DENND2A: variants seen among roughly 807,000 people sequenced by gnomAD.
DENND2A encodes DENN domain-containing protein 2A.
In DENND2A, 53 loss-of-function variants were observed where a neutral mutation model predicts 105.3. The observed-to-expected ratio is 0.50, with a 90% confidence interval of 0.40 to 0.63. DENND2A has a LOEUF of 0.63. Ranked by LOEUF, DENND2A falls within the 30% of genes least tolerant of loss-of-function variation. The pLI is 0.00. For synonymous variants in DENND2A, 522 were observed against 508.4 expected (o/e 1.03, Z -0.36); for missense variants, 1,138 against 1,279.6 (o/e 0.89, Z 1.69).
intron 5 of DENND2A, among the ~76,000 whole-genome samples, chr7:140,577,103 C>T (rs907684341): frequency 7.2e-5 from 11 of 152,056 alleles, no homozygotes; most frequent in Non-Finnish European, 1.5e-4. Context: ...TCCAGGGCAC[C>T]CCAAATAAGC....
chr7:140,546,756 G>C, intron 13 of DENND2A, 43 bp downstream of exon 13: 1 of 1,608,704 alleles, frequency 6.2e-7, no homozygotes, highest in Non-Finnish European at 8.5e-7. Flanking sequence ...GGCTGTCTGG[G>C]CCACTGCCTC....
At chr7:140,624,876 T>G (rs1303550114) in intron 1 of DENND2A, among the ~76,000 whole-genome samples, 7 of 148,968 alleles carry the variant, frequency 4.7e-5, no homozygotes, top group Non-Finnish European at 8.9e-5. Flanking sequence ...TTGTTTTTTT[T>G]TTTTTGCTTT....
chr7:140,603,788 G>A (rs1563172976), intron 2 of DENND2A, among the ~76,000 whole-genome samples: 3 of 152,204 alleles, frequency 2.0e-5, no homozygotes, highest in Non-Finnish European at 4.4e-5. Flanking sequence ...TCAAGCTTCA[G>A]TTCCTCAGTT....
At chr7:140,605,681 C>T (rs991966199) in intron 2 of DENND2A, 24 bp downstream of exon 2, 4 of 152,214 alleles carry the variant, frequency 2.6e-5, no homozygotes, top group Non-Finnish European at 5.9e-5. Flanking sequence ...AGCGTCTACA[C>T]TCTCGGGGGA....
intron 4 of DENND2A, among the ~76,000 whole-genome samples, chr7:140,587,347 C>T (rs1022257196): frequency 6.6e-6 from 1 of 152,118 alleles, no homozygotes; most frequent in African/African-American, 2.4e-5. Flanking sequence ...GCAGCAGAAC[C>T]AAGATGTGGT....
At chr7:140,613,114 C>T (rs1284156625) in intron 1 of DENND2A, among the ~76,000 whole-genome samples, 2 of 149,092 alleles carry the variant, frequency 1.3e-5, no homozygotes, top group Non-Finnish European at 3.0e-5. Flanking sequence ...AACTCTGTCT[C>T]AAGAAAAAAA....
At chr7:140,597,487 T>G (rs1217514126) in intron 3 of DENND2A, among the ~76,000 whole-genome samples, 3 of 152,188 alleles carry the variant, frequency 2.0e-5, no homozygotes, top group Non-Finnish European at 4.4e-5. Flanking sequence ...TCCATTGTAC[T>G]ATTTTAAACA....
chr7:140,571,325 A>AT (rs1425994943), intron 6 of DENND2A, among the ~76,000 whole-genome samples: 3 of 151,796 alleles, frequency 2.0e-5, no homozygotes, highest in Non-Finnish European at 2.9e-5. Flanking sequence ...TGCCCAGCTA[A>AT]TTTTTTTGTA....
chr7:140,620,750 G>A (rs146375564), intron 1 of DENND2A, among the ~76,000 whole-genome samples: 1 of 152,252 alleles, frequency 6.6e-6, no homozygotes, highest in African/African-American at 2.4e-5. Context: ...CTGAAGGGAA[G>A]GCTAAGTGAT....
intron 14 of DENND2A, among the ~76,000 whole-genome samples, chr7:140,542,658 G>A (rs1289942263): frequency 3.4e-5 from 5 of 148,674 alleles, no homozygotes; most frequent in South Asian, 2.1e-4. Flanking sequence ...TCCGCCTCCC[G>A]GGTTCAAACG....
intron 13 of DENND2A, among the ~76,000 whole-genome samples, chr7:140,545,852 C>T (rs1246786037): frequency 2.6e-5 from 4 of 152,186 alleles, no homozygotes; most frequent in Non-Finnish European, 4.4e-5. Context: ...TCTCCAGTAA[C>T]CTCCCTGCTA....
chr7:140,601,008 T>C (rs1799463847), intron 3 of DENND2A, among the ~76,000 whole-genome samples: 1 of 152,168 alleles, frequency 6.6e-6, no homozygotes, highest in African/African-American at 2.4e-5. Flanking sequence ...TAGACACTGA[T>C]AGGGCCAGTG....
At chr7:140,530,552 A>G (rs114845959) in intron 14 of DENND2A, among the ~76,000 whole-genome samples, 1 of 152,080 alleles carries the variant, frequency 6.6e-6, no homozygotes, top group African/African-American at 2.4e-5. Flanking sequence ...GAAAAACGCT[A>G]CCCCAAGATT....
chr7:140,551,129 C>T (rs1021254046), intron 12 of DENND2A, among the ~76,000 whole-genome samples: 10 of 150,942 alleles, frequency 6.6e-5, no homozygotes, highest in Admixed American at 4.6e-4. Context: ...GGTGAAATCC[C>T]GTCTCTACTA....
At chr7:140,585,192 C>T (rs995615144) in intron 5 of DENND2A, among the ~76,000 whole-genome samples, 11 of 152,158 alleles carry the variant, frequency 7.2e-5, no homozygotes, top group African/African-American at 2.7e-4. Context: ...AGCGACAACA[C>T]CCTGACTCAA....
At chr7:140,564,212 G>C (rs1460225921) in intron 9 of DENND2A, among the ~76,000 whole-genome samples, 4 of 151,852 alleles carry the variant, frequency 2.6e-5, no homozygotes, top group African/African-American at 9.7e-5. Context: ...GTACCCGGGA[G>C]GTGGAGGCTT....
At position 140,558,134 on chromosome 7, in the gene DENND2A, T is replaced by C. The variant is rs562519168; in HGVS notation, c.1959+9A>G. ...AGGCTCTTGCAGGCTGAAAGCAGAA[T>C]GTACTCACCAGCAGTCTTCGGCAGT... is the stretch of plus-strand genomic sequence containing the variant. On this transcript the variant is annotated intron_variant, in intron 11 of 19. Transcript: ENST00000496613. 37 of 1,612,564 alleles carry C rather than the reference T, an allele frequency of 2.3e-5. No homozygotes were observed. The highest frequency in any genetic ancestry group is 3.0e-5 in the Non-Finnish European group (35 of 1,178,734).
chr7:140,538,968 C>G (rs1468176159), intron 14 of DENND2A, among the ~76,000 whole-genome samples: 1 of 151,648 alleles, frequency 6.6e-6, no homozygotes, highest in African/African-American at 2.4e-5. Context: ...GGATTATAGG[C>G]GTGTGCCACC....
In DENND2A at chr7:140,559,868, A is replaced by C. The variant is rs2130572179; in HGVS notation, c.1780-51T>G. ...TTCGAGAACAAATCTCAGCATGGGA[A>C]ATTGAGGCGGATGATGGTAAGGATG... On this transcript the variant is annotated intron_variant, in intron 9 of 19. Coordinates refer to ENST00000496613, the MANE Select transcript of DENND2A (RefSeq NM_015689.5). The surrounding 1 kb of genome is among the most constrained non-coding windows in gnomAD (Gnocchi z 4.1). The C allele has an allele frequency of 7.2e-7, 1 of 1,381,042 alleles. No individual in the cohort carries two copies. The highest frequency in any genetic ancestry group is 2.3e-5 in the East Asian group (1 of 43,576). The allele number at this position is 1,381,042 out of a possible 1,614,324, so 85.5% of individuals were successfully genotyped here.
Sources: allele counts gnomAD v4.1 joint callset (sites outside exome capture counted in the v4.1 genomes callset), GRCh38; gene constraint gnomAD v4.1.1; non-coding constraint Gnocchi (gnomAD v3.1); transcripts MANE v1.5; gene names NCBI Gene and HGNC (gene_info 2026-07-23, HGNC 2026-07-21).